Variants in MGAM observed in about 807,000 individuals in gnomAD.
MGAM encodes the protein alpha-1,4-glucosidase.
MGAM carries 253 observed loss-of-function variants against 358.8 expected under a neutral mutation model. The ratio of observed to expected loss-of-function variants is 0.71; its 90% CI spans 0.64 to 0.78. MGAM has a LOEUF of 0.78. Among genes scored for constraint, MGAM ranks in the 30% least tolerant of loss-of-function variants. MGAM has a pLI of 0.00. For missense variants in MGAM, 3,080 were observed against 3,432.6 expected (o/e 0.90, Z 2.57); for synonymous variants, 1,105 against 1,227.1 (o/e 0.90, Z 2.08).
intron 68 of MGAM, among the ~76,000 whole-genome samples, chr7:142,101,569 G>A (rs1816444122): frequency 6.6e-6 from 1 of 151,852 alleles, no homozygotes; most frequent in South Asian, 2.1e-4. Flanking sequence ...ACAGTTCTAA[G>A]GGATAGCCAG....
In MGAM at chr7:142,027,037, C is replaced by T. The variant is rs375226079; in HGVS notation, c.983-78C>T. 9 of 1,069,278 alleles carry T rather than the reference C, an allele frequency of 8.4e-6. No individual in the cohort carries two copies. In the African/African-American group the frequency reaches 9.3e-5, roughly 11 times the overall value. 66.2% of individuals were successfully genotyped at this position (1,069,278 alleles called of 1,614,324 possible). ...GTTAATGTTCACATGGTTAGTGATCCTGTGTTATTTTAAAACTTGTAGTTA... is the reference window on the plus strand; with the variant it reads ...GTTAATGTTCACATGGTTAGTGATCTTGTGTTATTTTAAAACTTGTAGTTA... On this transcript the variant is annotated intron_variant, in intron 8 of 70. Coordinates refer to ENST00000475668, the MANE Select transcript of MGAM (RefSeq NM_001365693.1).
rs376468703 is a variant in MGAM, at chr7:142,021,682, A to C, written c.655A>C (p.Ile219Leu). 3 of 1,613,810 alleles carry C rather than the reference A, an allele frequency of 1.9e-6. No homozygotes were observed. In the African/African-American group the frequency reaches 4.0e-5, roughly 22 times the overall value. ...TGCTTCTTTGACCTACCAAGTTGAA[A>C]TCTCCAGACAGCCATTTAGCATCAA... Reference protein sequence around the residue: ...AAASLTYQVEISRQPFSIKVT... With the variant: ...AAASLTYQVELSRQPFSIKVT... Residue 219 changes from isoleucine to leucine, a missense_variant, in exon 6 of 71, where the codon ATC (isoleucine) becomes CTC (leucine). By Grantham distance (5) the Ile-to-Leu change is conservative (BLOSUM62 2). Coordinates refer to ENST00000475668, the MANE Select transcript of MGAM (RefSeq NM_001365693.1).
chr7:142,041,416 T>G (rs1363655863), intron 21 of MGAM, among the ~76,000 whole-genome samples: 1 of 152,140 alleles, frequency 6.6e-6, no homozygotes, highest in African/African-American at 2.4e-5. Context: ...GTAGACTTTT[T>G]ATGATACTAA....
In MGAM at chr7:142,025,150, G is replaced by A. The variant is rs1340856858; in HGVS notation, c.982+1G>A. 2 of 1,593,482 alleles carry A rather than the reference G, an allele frequency of 1.3e-6. No homozygotes were observed. The highest frequency in any genetic ancestry group is 2.2e-5 in the East Asian group (1 of 44,740). On this transcript the variant is annotated splice_donor_variant, in intron 8 of 70. Coordinates refer to ENST00000475668, the MANE Select transcript of MGAM (RefSeq NM_001365693.1). LOFTEE classifies it high-confidence loss of function. ...TTTCTGATGAACAGCAATGCCATGG[G>A]TAAAGGAATATTCATGGAAAAAACA...
chr7:142,094,924 A>G (rs1487640643), intron 63 of MGAM, 61 bp downstream of exon 63: 1 of 1,536,830 alleles, frequency 6.5e-7, no homozygotes, highest in Non-Finnish European at 8.9e-7. Flanking sequence ...TTTCTGACCT[A>G]AAGTTAATGC....
At chr7:142,058,080 G>A (rs1811732001) in intron 30 of MGAM, 123 bp from the exon 31 acceptor site, 3 of 1,460,422 alleles carry the variant, frequency 2.1e-6, no homozygotes, top group Admixed American at 3.8e-5. Context: ...TGTCAGTTTT[G>A]GTCTGGATTT....
At chr7:142,023,479 A>G (rs910047994) in intron 7 of MGAM, among the ~76,000 whole-genome samples, 4 of 152,140 alleles carry the variant, frequency 2.6e-5, no homozygotes. Flanking sequence ...TTGTGTATAT[A>G]TATCTATTTA....
rs782785366 is a variant in MGAM, at chr7:142,027,099, T to C, written c.983-16T>C. On this transcript the variant is annotated splice_polypyrimidine_tract_variant and intron_variant, in intron 8 of 70. Coordinates refer to ENST00000475668, the MANE Select transcript of MGAM (RefSeq NM_001365693.1). Reference sequence around the variant, plus strand: ...TCAATTCTGATTTTTATTTTCTTCATTTTTAACCTTTCAAGAGGTTGTCCT... The same window carrying C: ...TCAATTCTGATTTTTATTTTCTTCACTTTTAACCTTTCAAGAGGTTGTCCT... 9.1e-5 allele frequency: 145 copies of C among 1,585,048 alleles called. No homozygotes were observed. The highest frequency in any genetic ancestry group is 1.2e-4 in the Non-Finnish European group (138 of 1,154,904).
chr7:142,044,490 A>G (rs1809725258), intron 21 of MGAM, among the ~76,000 whole-genome samples: 1 of 131,286 alleles, frequency 7.6e-6, no homozygotes, highest in South Asian at 2.4e-4. Flanking sequence ...TATATTATAT[A>G]CACTTACGAT....
intron 2 of MGAM, 84 bp from the exon 3 acceptor site, chr7:142,008,422 A>C: frequency 7.2e-7 from 1 of 1,384,630 alleles, no homozygotes; most frequent in Non-Finnish European, 9.8e-7. Flanking sequence ...TCAGTAGTGG[A>C]GTTAATTGGA....
Position 142,054,924 on chromosome 7 carries a change from T to C in MGAM, c.3314+16T>C, listed in dbSNP as rs374033135. On this transcript the variant is annotated intron_variant, in intron 27 of 70. Coordinates refer to ENST00000475668, the MANE Select transcript of MGAM (RefSeq NM_001365693.1). ...GCACTATAATGTGAGTGGCTTCTAG[T>C]GTGACTCAGAGTTGATGGCTACCTG... The C allele has an allele frequency of 1.9e-6, 3 of 1,612,696 alleles. No individual in the cohort carries two copies. The highest frequency in any genetic ancestry group is 2.7e-5 in the African/African-American group (2 of 74,904).
upstream of MGAM, among the ~76,000 whole-genome samples, chr7:141,994,818 C>T (rs537981516): frequency 7.9e-5 from 12 of 152,274 alleles, no homozygotes; most frequent in South Asian, 2.3e-3. Flanking sequence ...TTAAGAAGTC[C>T]CTGCTTCCCC....
intron 29 of MGAM, among the ~76,000 whole-genome samples, chr7:142,056,544 G>C (rs1279594356): frequency 6.6e-6 from 1 of 152,040 alleles, no homozygotes; most frequent in Non-Finnish European, 1.5e-5. Flanking sequence ...TAAGGAACCT[G>C]AACAGGTATC....
intron 15 of MGAM, 34 bp from the exon 16 acceptor site, chr7:142,034,636 C>G: frequency 6.3e-7 from 1 of 1,592,188 alleles, no homozygotes; most frequent in Non-Finnish European, 8.6e-7. Flanking sequence ...AGCTAAGATC[C>G]CACATTGACT....
At chr7:142,003,235 A>G (rs1804871442) in intron 1 of MGAM, among the ~76,000 whole-genome samples, 1 of 152,126 alleles carries the variant, frequency 6.6e-6, no homozygotes, top group Admixed American at 6.6e-5. Context: ...ATTCATATGG[A>G]ACCCTGAAAG....
chr7:142,075,583 A>C (rs77848363), intron 45 of MGAM, among the ~76,000 whole-genome samples: 8,413 of 146,526 alleles, frequency 0.057, 978 homozygotes, highest in African/African-American at 0.12. Context: ...TATGCAACTC[A>C]GTAGCAAAAG....
chr7:142,034,020 T>A (rs1177169935), intron 14 of MGAM, among the ~76,000 whole-genome samples: 1 of 152,244 alleles, frequency 6.6e-6, no homozygotes, highest in Non-Finnish European at 1.5e-5. Context: ...TACTTCCAAG[T>A]GTCTGCCTCT....
intron 42 of MGAM, among the ~76,000 whole-genome samples, chr7:142,067,947 T>A (rs1186746855): frequency 1.6e-4 from 6 of 37,354 alleles, no homozygotes; most frequent in African/African-American, 4.4e-4. Context: ...TATATATATA[T>A]ATATATATAT....
At chr7:142,051,002 G>GAA in intron 24 of MGAM, 138 bp downstream of exon 24, 2 of 1,095,084 alleles carry the variant, frequency 1.8e-6, no homozygotes, top group Non-Finnish European at 1.3e-6. Flanking sequence ...GAGGGCTGGG[G>GAA]AAAAAAATGA....
Sources: gnomAD v4.1 joint callset for allele counts (sites outside exome capture counted in the v4.1 genomes callset) on GRCh38, gnomAD v4.1.1 for gene constraint, MANE v1.5 for transcripts, NCBI Gene and HGNC (gene_info 2026-07-23, HGNC 2026-07-21) for gene names.